ZPBP: variants seen among roughly 807,000 people sequenced by gnomAD.
ZPBP encodes zona pellucida binding protein.
A neutral mutation model predicts 44.8 loss-of-function variants in ZPBP; 26 were observed. That is an observed-to-expected ratio of 0.58 (90% CI 0.43 to 0.81). The LOEUF (loss-of-function observed/expected upper bound fraction) is 0.81, where lower values mean the gene tolerates loss of function less well. Among genes scored for constraint, ZPBP ranks in the 30% least tolerant of loss-of-function variants. The pLI, the probability that ZPBP is intolerant of heterozygous loss-of-function variation, is 0.00. For missense variants in ZPBP, 409 were observed against 434.0 expected, an observed-to-expected ratio of 0.94 and a Z score of 0.51; for synonymous variants, 174 against 153.2, an observed-to-expected ratio of 1.14 and a Z score of -1.00.
intron 7 of ZPBP, among the ~76,000 whole-genome samples, chr7:49,952,056 G>T (rs1795366016): frequency 6.6e-6 from 1 of 151,830 alleles, no homozygotes; most frequent in Non-Finnish European, 1.5e-5. Context: ...GTTGCCAGGG[G>T]GTAATGGTAG....
At chr7:49,908,896 G>T (rs992002386) in intron 1 of ZPBP, among the ~76,000 whole-genome samples, 3 of 152,114 alleles carry the variant, frequency 2.0e-5, no homozygotes, top group Non-Finnish European at 4.4e-5. Context: ...GAAAAATAAA[G>T]ATTTTATATT....
chr7:49,913,537 A>C (rs1021787121), intron 1 of ZPBP: 4 of 152,170 alleles, frequency 2.6e-5, no homozygotes, highest in Non-Finnish European at 5.9e-5. Context: ...GAAGCCTCTA[A>C]AGGTATTTTT....
In ZPBP at chr7:50,081,819, C is replaced by T; in HGVS notation, c.289G>A (p.Asp97Asn). 1.9e-6 allele frequency: 3 copies of T among 1,611,600 alleles called. No individual in the cohort carries two copies. Among genetic ancestry groups the T allele is most frequent in the Non-Finnish European group, 2.5e-6 (3 of 1,178,324 alleles). ...TQQLRNAELI[D>N]PSFQWYGPKG... ...GGCCCATACCATTGGAATGATGGGT[C>T]TATCAGTTCAGCATTTCGCAGTTGT... Residue 97 changes from aspartate (D) to asparagine (N), a missense_variant, in exon 3 of 8, where the codon GAC becomes AAC. Asp to Asn is a conservative substitution (Grantham distance 23, BLOSUM62 1). This residue lies in a region of ZPBP where 367 missense variants were observed against 363.1 expected (regional missense o/e 1.01). Transcript: ENST00000046087.
chr7:49,879,535 A>G (rs112897527), intron 2 of ZPBP, among the ~76,000 whole-genome samples: 3 of 152,118 alleles, frequency 2.0e-5, no homozygotes, highest in African/African-American at 7.2e-5. Flanking sequence ...GCGTTAGTCC[A>G]TGGTAGGGCC....
intron 7 of ZPBP, among the ~76,000 whole-genome samples, chr7:49,973,995 C>T (rs1796402348): frequency 6.6e-6 from 1 of 152,060 alleles, no homozygotes. Flanking sequence ...CAGGCTACCA[C>T]ATGAATGAAC....
intron 5 of ZPBP, among the ~76,000 whole-genome samples, chr7:50,030,207 A>C (rs1402459097): frequency 2.0e-5 from 3 of 151,312 alleles, no homozygotes; most frequent in Admixed American, 2.0e-4. Context: ...AAAACTCTCA[A>C]TGTATTTCTG....
At chr7:50,034,428 T>C (rs1425253886) in intron 4 of ZPBP, among the ~76,000 whole-genome samples, 1 of 152,176 alleles carries the variant, frequency 6.6e-6, no homozygotes, top group Non-Finnish European at 1.5e-5. Context: ...GAACACCTGA[T>C]TCAAACTACA....
chr7:50,091,585 T>C (rs992419750), intron 1 of ZPBP, among the ~76,000 whole-genome samples: 3 of 152,224 alleles, frequency 2.0e-5, no homozygotes, highest in Admixed American at 1.3e-4. Flanking sequence ...TATACTATAG[T>C]TCTTGATACA....
intron 2 of ZPBP, among the ~76,000 whole-genome samples, chr7:49,877,482 AT>A (rs773455256): frequency 0.15 from 3,019 of 20,274 alleles, 934 homozygotes; most frequent in African/African-American, 0.34. Flanking sequence ...AAAAAAAAAA[AT>A]ATATATATAT....
chr7:50,033,779 G>A (rs1799708358), intron 4 of ZPBP, among the ~76,000 whole-genome samples: 1 of 151,978 alleles, frequency 6.6e-6, no homozygotes, highest in Non-Finnish European at 1.5e-5. Context: ...TGCAGCCTCT[G>A]CCTCCCAAGT....
chr7:49,936,569 A>G (rs1794626437), downstream of ZPBP, among the ~76,000 whole-genome samples: 1 of 152,220 alleles, frequency 6.6e-6, no homozygotes, highest in African/African-American at 2.4e-5. Context: ...TAAGAGAGGA[A>G]ATATGAAGAG....
At chr7:50,072,113 C>A (rs886613635) in intron 3 of ZPBP, among the ~76,000 whole-genome samples, 1 of 152,230 alleles carries the variant, frequency 6.6e-6, no homozygotes, top group African/African-American at 2.4e-5. Flanking sequence ...GATGGCATTT[C>A]TGAACTTGCC....
chr7:49,854,856 G>A (rs1790349973), intron 2 of ZPBP, among the ~76,000 whole-genome samples: 1 of 152,170 alleles, frequency 6.6e-6, no homozygotes. Flanking sequence ...GGAAGGGATG[G>A]CTGTTATCAA....
chr7:49,852,245 G>A (rs796950418), intron 2 of ZPBP, among the ~76,000 whole-genome samples: 9 of 152,314 alleles, frequency 5.9e-5, no homozygotes, highest in African/African-American at 1.9e-4. Context: ...TCCTTTTCCA[G>A]GTGAGTGACC....
intron 7 of ZPBP, among the ~76,000 whole-genome samples, chr7:49,980,999 GTGT>G (rs1304979450): frequency 1.1e-4 from 17 of 150,306 alleles, no homozygotes; most frequent in African/African-American, 3.9e-4. Context: ...ATAACTTTTT[GTGT>G]TTTGTTATTT....
chr7:50,071,979 T>C (rs1439110009), intron 3 of ZPBP, among the ~76,000 whole-genome samples: 1 of 152,140 alleles, frequency 6.6e-6, no homozygotes, highest in Admixed American at 6.5e-5. Flanking sequence ...CTCCTTCTGC[T>C]TGAGAAATGC....
At chr7:49,942,358 A>G (rs904192118) in intron 7 of ZPBP, 2 of 198,248 alleles carry the variant, frequency 1.0e-5, no homozygotes, top group Non-Finnish European at 2.0e-5. Flanking sequence ...AGTGCACACA[A>G]ATTTTTTTGG....
chr7:49,919,598 T>C (rs1793914712), intron 1 of ZPBP: 1 of 152,160 alleles, frequency 6.6e-6, no homozygotes, highest in Non-Finnish European at 1.5e-5. Flanking sequence ...TTAATATAGA[T>C]TAATTATAAA....
chr7:49,910,845 A>G (rs1269290501), intron 1 of ZPBP, among the ~76,000 whole-genome samples: 1 of 152,202 alleles, frequency 6.6e-6, no homozygotes, highest in African/African-American at 2.4e-5. Context: ...CAGCATCCAC[A>G]TCACCTGAGA....
Sources: gnomAD v4.1 joint callset for allele counts (sites outside exome capture counted in the v4.1 genomes callset) on GRCh38, gnomAD v4.1.1 for gene constraint, gnomAD v4.1.1 regional missense constraint, MANE v1.5 for transcripts, NCBI Gene and HGNC (gene_info 2026-07-23, HGNC 2026-07-21) for gene names.